SLC66A2: variants seen among roughly 807,000 people sequenced by gnomAD.
The protein encoded by SLC66A2 is solute carrier family 66 member 2, also known as PQ loop repeat containing 1.
A neutral mutation model predicts 25.5 loss-of-function variants in SLC66A2; 23 were observed. That is an observed-to-expected ratio of 0.90 (90% CI 0.65 to 1.28). SLC66A2 has a LOEUF of 1.28. Ranked by LOEUF, SLC66A2 falls within the 50% of genes most tolerant of loss-of-function variation. SLC66A2 has a pLI of 0.00. For synonymous variants in SLC66A2, 193 were observed against 166.5 expected (o/e 1.16, Z -1.23); for missense variants, 396 against 373.1 (o/e 1.06, Z -0.51).
chr18:79,932,342 T>C (rs1401415770), intron 4 of SLC66A2, among the ~76,000 whole-genome samples: 1 of 151,356 alleles, frequency 6.6e-6, no homozygotes, highest in Non-Finnish European at 1.5e-5. Flanking sequence ...AAAGAGTAAA[T>C]TAAAACCAAA....
chr18:79,924,157 T>A (rs1599577445), intron 4 of SLC66A2, among the ~76,000 whole-genome samples: 1 of 150,638 alleles, frequency 6.6e-6, no homozygotes, highest in Non-Finnish European at 1.5e-5. Context: ...GACAGCAGGG[T>A]GAGAGGCACG....
intron 1 of SLC66A2, among the ~76,000 whole-genome samples, 173 bp downstream of exon 1, chr18:79,951,386 TGGGGGCGCACGGCTCGGGGGAA>T (rs1280369772): frequency 2.4e-4 from 13 of 54,932 alleles, no homozygotes; most frequent in African/African-American, 9.8e-4. Flanking sequence ...GGGCCTAGCA[TGGGGGCGCACGGCTCGGGGGAA>T]GGGGGCGCAG....
chr18:79,909,628 G>A (rs1339574137), intron 5 of SLC66A2, among the ~76,000 whole-genome samples: 7 of 42,556 alleles, frequency 1.6e-4, no homozygotes, highest in Admixed American at 1.1e-3. Flanking sequence ...CACAGAGTCC[G>A]CAACCTTCCC....
chr18:79,939,472 T>G (rs538565029), intron 3 of SLC66A2, among the ~76,000 whole-genome samples: 3 of 152,274 alleles, frequency 2.0e-5, no homozygotes, highest in Admixed American at 2.0e-4. Flanking sequence ...GGGAGAAAAT[T>G]TTTGCAAACT....
At chr18:79,933,895 A>G in intron 4 of SLC66A2, 74 bp downstream of exon 4, 1 of 1,353,370 alleles carries the variant, frequency 7.4e-7, no homozygotes, top group South Asian at 1.2e-5. Flanking sequence ...TGGAAGCAAC[A>G]ACAGGAGGAA....
intron 3 of SLC66A2, 141 bp from the exon 4 acceptor site, chr18:79,934,163 C>G: frequency 1.4e-6 from 1 of 736,480 alleles, no homozygotes; most frequent in South Asian, 1.8e-5. Flanking sequence ...AGAAAGATCA[C>G]AAGATTTTGG....
intron 3 of SLC66A2, among the ~76,000 whole-genome samples, chr18:79,942,786 G>A (rs1433251239): frequency 1.3e-5 from 2 of 152,214 alleles, no homozygotes; most frequent in African/African-American, 2.4e-5. Flanking sequence ...GGAGCCATGT[G>A]TGCTAAGCAT....
intron 5 of SLC66A2, among the ~76,000 whole-genome samples, chr18:79,916,771 T>C (rs1178548811): frequency 2.6e-5 from 4 of 152,260 alleles, no homozygotes; most frequent in Non-Finnish European, 5.9e-5. Flanking sequence ...GGTTTATGTC[T>C]GTCCTTTAAA....
intron 3 of SLC66A2, among the ~76,000 whole-genome samples, chr18:79,935,074 TGATTTA>T (rs1439547190): frequency 6.6e-6 from 1 of 151,554 alleles, no homozygotes; most frequent in African/African-American, 2.4e-5. Context: ...TCTGTTGCTT[TGATTTA>T]GACAACATCC....
chr18:79,906,593 C>A (rs1431863483), intron 5 of SLC66A2, among the ~76,000 whole-genome samples: 2 of 152,200 alleles, frequency 1.3e-5, no homozygotes, highest in Non-Finnish European at 2.9e-5. Context: ...ATACTTTGCA[C>A]AATTTCAGTT....
chr18:79,931,430 G>C (rs934806927), intron 4 of SLC66A2, among the ~76,000 whole-genome samples: 1 of 152,054 alleles, frequency 6.6e-6, no homozygotes, highest in Non-Finnish European at 1.5e-5. Flanking sequence ...AGAAGACACA[G>C]ATGTCAAAAG....
At chr18:79,911,253 G>T (rs1044215217) in intron 5 of SLC66A2, among the ~76,000 whole-genome samples, 9 of 152,256 alleles carry the variant, frequency 5.9e-5, no homozygotes, top group Non-Finnish European at 8.8e-5. Context: ...TGGGGGCCTG[G>T]ACATCTTTCC....
intron 5 of SLC66A2, among the ~76,000 whole-genome samples, chr18:79,910,450 CAT>C (rs201779928): frequency 2.2e-5 from 3 of 139,452 alleles, no homozygotes; most frequent in Non-Finnish European, 3.1e-5. Context: ...ACACCCTCAC[CAT>C]AGAGTCCCCA....
At chr18:79,910,452 T>G (rs1305842549) in intron 5 of SLC66A2, among the ~76,000 whole-genome samples, 1 of 85,090 alleles carries the variant, frequency 1.2e-5, no homozygotes, top group East Asian at 3.9e-4. Context: ...ACCCTCACCA[T>G]AGAGTCCCCA....
chr18:79,914,013 A>T (rs1983619002), intron 5 of SLC66A2, among the ~76,000 whole-genome samples: 1 of 152,104 alleles, frequency 6.6e-6, no homozygotes, highest in African/African-American at 2.4e-5. Context: ...GGTTCAAGTG[A>T]TTCTCCTGCC....
At chr18:79,915,435 T>G (rs1983862261) in intron 5 of SLC66A2, 1 of 152,378 alleles carries the variant, frequency 6.6e-6, no homozygotes, top group Admixed American at 6.5e-5. Flanking sequence ...CCGACGCTGC[T>G]GCTCCTGGTC....
rs1289792735 is a variant in SLC66A2 at position 79,940,409 on chromosome 18, G to C, written c.337+2920C>G. The stretch of plus-strand genomic sequence containing the variant: ...CTTGAGGTCAGGAGTTCAGGAGTTA[G>C]AGAAATAATCTGTACACTAAACCCC... On this transcript the variant is annotated intron_variant, in intron 3 of 5. Coordinates refer to ENST00000397778, the MANE Select transcript of SLC66A2 (RefSeq NM_025078.5). The surrounding 1 kb of genome is among the most constrained non-coding windows in gnomAD (Gnocchi z 4.1). 6.6e-6 allele frequency among the ~76,000 whole-genome samples: 1 copy of C among 151,978 alleles called. No individual in the cohort carries two copies. Among genetic ancestry groups the C allele is most frequent in the Non-Finnish European group, 1.5e-5 (1 of 68,004 alleles).
At chr18:79,909,481 C>G (rs12965022) in intron 5 of SLC66A2, among the ~76,000 whole-genome samples, 1 of 151,530 alleles carries the variant, frequency 6.6e-6, no homozygotes. Context: ...AGTCCCCAAC[C>G]TTCCCCACAA....
chr18:79,928,946 G>A (rs1986282787), intron 4 of SLC66A2, among the ~76,000 whole-genome samples: 1 of 152,218 alleles, frequency 6.6e-6, no homozygotes, highest in African/African-American at 2.4e-5. Context: ...GCAGCACTCA[G>A]AGCAGAGCTG....
Sources: gnomAD v4.1 joint callset for allele counts (sites outside exome capture counted in the v4.1 genomes callset) on GRCh38, gnomAD v4.1.1 for gene constraint, Gnocchi (gnomAD v3.1) non-coding constraint, MANE v1.5 for transcripts, NCBI Gene and HGNC (gene_info 2026-07-23, HGNC 2026-07-21) for gene names.